Variants in CPNE8 observed in about 807,000 individuals in gnomAD.
CPNE8 encodes the protein copine 8.
A neutral mutation model predicts 81.5 loss-of-function variants in CPNE8; 45 were observed. The ratio of observed to expected loss-of-function variants is 0.55; its 90% CI spans 0.44 to 0.71. The LOEUF (loss-of-function observed/expected upper bound fraction) is 0.71, where lower values mean the gene tolerates loss of function less well. CPNE8 is among the 30% of genes least tolerant of loss of function. The pLI is 0.00. For synonymous variants in CPNE8, 252 were observed against 226.3 expected (o/e 1.11, Z -1.02); for missense variants, 594 against 672.1 (o/e 0.88, Z 1.28).
intron 11 of CPNE8, among the ~76,000 whole-genome samples, chr12:38,728,986 T>C (rs1013441472): frequency 8.5e-5 from 13 of 152,142 alleles, no homozygotes; most frequent in Admixed American, 2.6e-4. Flanking sequence ...TCATCAGATG[T>C]GGCACCAGTC....
chr12:38,771,478 A>G lies in CPNE8; in HGVS notation c.472-3740T>C, dbSNP rs149005249. ...GAGACCCCGTATTTAAAAAAAAAATACTGATTGAAGATACACTCCCAACAT... is the reference window on the plus strand; with the variant it reads ...GAGACCCCGTATTTAAAAAAAAAATGCTGATTGAAGATACACTCCCAACAT... On this transcript the variant is annotated intron_variant, in intron 7 of 19. Transcript: ENST00000331366. Among the ~76,000 whole-genome samples the G allele has an allele frequency of 5.0e-3, 762 of 152,128 alleles. 5 individuals carry two copies. The highest frequency in any genetic ancestry group is 0.017 in the African/African-American group (711 of 41,504).
At chr12:38,904,696 T>G (rs1944540009) in intron 1 of CPNE8, among the ~76,000 whole-genome samples, 1 of 152,086 alleles carries the variant, frequency 6.6e-6, no homozygotes, top group Non-Finnish European at 1.5e-5. Context: ...CTCGAACTCC[T>G]GACCTCGTGA....
At chr12:38,697,202 C>T (rs1036265996) in intron 14 of CPNE8, among the ~76,000 whole-genome samples, 2 of 152,190 alleles carry the variant, frequency 1.3e-5, no homozygotes, top group African/African-American at 4.8e-5. Context: ...TAAATAATCA[C>T]TAATCGTCTT....
intron 3 of CPNE8, among the ~76,000 whole-genome samples, chr12:38,864,037 G>A (rs1297633183): frequency 4.8e-5 from 7 of 146,624 alleles, no homozygotes; most frequent in African/African-American, 1.5e-4. Context: ...CTGGACGACA[G>A]AGCGAGACTT....
intron 6 of CPNE8, among the ~76,000 whole-genome samples, chr12:38,795,221 T>C (rs1942429792): frequency 6.6e-6 from 1 of 152,220 alleles, no homozygotes; most frequent in Non-Finnish European, 1.5e-5. Context: ...ACCTTGTGAA[T>C]GGGTAGGTCA....
intron 10 of CPNE8, among the ~76,000 whole-genome samples, chr12:38,756,637 A>G (rs748257686): frequency 7.2e-5 from 11 of 152,210 alleles, no homozygotes; most frequent in Admixed American, 1.3e-4. Flanking sequence ...TTGGTTTTCT[A>G]TGAGTAAATT....
chr12:38,873,228 A>G (rs1944018267), intron 2 of CPNE8, among the ~76,000 whole-genome samples, 178 bp from the exon 3 acceptor site: 1 of 152,178 alleles, frequency 6.6e-6, no homozygotes. Context: ...AAATTGATTT[A>G]AATAAGCAGA....
At chr12:38,871,346 T>C (rs1038040038) in intron 3 of CPNE8, among the ~76,000 whole-genome samples, 2 of 152,224 alleles carry the variant, frequency 1.3e-5, no homozygotes, top group African/African-American at 4.8e-5. Flanking sequence ...GGTTACTTTT[T>C]GGTGCCTGAA....
intron 2 of CPNE8, among the ~76,000 whole-genome samples, chr12:38,874,204 T>C (rs186301060): frequency 0.011 from 1,653 of 152,300 alleles, 22 homozygotes; most frequent in South Asian, 0.038. Context: ...TATAATAATT[T>C]CTACCAAATG....
chr12:38,722,352 T>C (rs1338022168), intron 13 of CPNE8, among the ~76,000 whole-genome samples: 1 of 152,198 alleles, frequency 6.6e-6, no homozygotes, highest in Non-Finnish European at 1.5e-5. Flanking sequence ...CTTTGCATTT[T>C]GGATGCCCGT....
At chr12:38,759,463 T>C (rs557563242) in intron 10 of CPNE8, among the ~76,000 whole-genome samples, 1 of 152,320 alleles carries the variant, frequency 6.6e-6, no homozygotes, top group South Asian at 2.1e-4. Flanking sequence ...AGTTTTCTGA[T>C]AAGATTTCTC....
intron 4 of CPNE8, 48 bp from the exon 5 acceptor site, chr12:38,840,003 T>C (rs1181809029): frequency 6.6e-7 from 1 of 1,504,194 alleles, no homozygotes; most frequent in South Asian, 1.3e-5. Flanking sequence ...AAAATACAGC[T>C]AGAAAAAAAA....
rs181096170 is a variant in CPNE8, at chr12:38,693,365, G to T, written c.1143+292C>A. Among the ~76,000 whole-genome samples, 368 of 152,108 alleles carry T rather than the reference G, an allele frequency of 2.4e-3. 2 individuals are homozygous for T. Among genetic ancestry groups the T allele is most frequent in the Non-Finnish European group, 3.1e-3 (210 of 68,004 alleles). ...GCACAAATCATAAGCATAATAGAAT[G>T]ATATTGTTTGATATCTCTAAGTTTT... On this transcript the variant is annotated intron_variant, in intron 15 of 19. Coordinates refer to ENST00000331366, the MANE Select transcript of CPNE8 (RefSeq NM_153634.3).
At chr12:38,723,278 A>G (rs1194017281) in intron 13 of CPNE8, among the ~76,000 whole-genome samples, 1 of 152,148 alleles carries the variant, frequency 6.6e-6, no homozygotes, top group African/African-American at 2.4e-5. Flanking sequence ...AAAATTTCAA[A>G]ATTGGTTACA....
intron 6 of CPNE8, among the ~76,000 whole-genome samples, chr12:38,786,615 G>C (rs1175458837): frequency 6.6e-6 from 1 of 151,960 alleles, no homozygotes; most frequent in African/African-American, 2.4e-5. Flanking sequence ...TATTCCATTA[G>C]TTCTGTCCCA....
At chr12:38,667,053 T>C (rs4767968) in intron 19 of CPNE8, among the ~76,000 whole-genome samples, 117,206 of 152,118 alleles carry the variant, frequency 0.77, 49,939 homozygotes, top group Middle Eastern at 0.97. Context: ...AATAAAACCC[T>C]ATCTACTACC....
chr12:38,837,218 G>A (rs927182930), intron 5 of CPNE8, among the ~76,000 whole-genome samples: 2 of 152,090 alleles, frequency 1.3e-5, no homozygotes, highest in Non-Finnish European at 2.9e-5. Flanking sequence ...AGGACTTGGT[G>A]GCTCAGTAAA....
rs888243933 is a variant in CPNE8 at position 38,653,036 on chromosome 12, C to G, written c.*846G>C. On this transcript the variant is annotated 3_prime_UTR_variant, in exon 20 of 20. Transcript: ENST00000331366. ...GCTACATAGTTCACAGTTAAATAGT[C>G]TTGGTTTCAGTCTTTCTAAATAGCA... 1 of 152,534 alleles carries G rather than the reference C, an allele frequency of 6.6e-6. No individual in the cohort carries two copies. Among genetic ancestry groups the G allele is most frequent in the Non-Finnish European group, 1.5e-5 (1 of 68,022 alleles). The allele number at this position is 152,534 out of a possible 1,614,324, so 9.4% of individuals were successfully genotyped here.
chr12:38,867,337 T>TGAGAGAGA (rs1442950706), intron 3 of CPNE8, among the ~76,000 whole-genome samples: 8 of 137,254 alleles, frequency 5.8e-5, no homozygotes, highest in Middle Eastern at 3.7e-3. Flanking sequence ...TGTGTGTGTG[T>TGAGAGAGA]GTGAGAGAGA....
Sources: gnomAD v4.1 joint callset for allele counts (sites outside exome capture counted in the v4.1 genomes callset) on GRCh38, gnomAD v4.1.1 for gene constraint, MANE v1.5 for transcripts, NCBI Gene and HGNC (gene_info 2026-07-23, HGNC 2026-07-21) for gene names.